The following METTL15 variants were observed in gnomAD, a reference collection of about 807,000 sequenced individuals.
METTL15 encodes the protein 12S rRNA N(4)-cytidine methyltransferase METTL15.
In METTL15, 34 loss-of-function variants were observed where a neutral mutation model predicts 38.3. The ratio of observed to expected loss-of-function variants is 0.89; its 90% CI spans 0.68 to 1.18. The LOEUF is 1.18. Ranked by LOEUF, METTL15 falls within the 50% of genes most tolerant of loss-of-function variation. The pLI, the probability that METTL15 is intolerant of heterozygous loss-of-function variation, is 0.00. For missense variants in METTL15, 438 were observed against 498.4 expected (o/e 0.88, Z 1.15); for synonymous variants, 162 against 170.9 (o/e 0.95, Z 0.41).
At chr11:28,453,473 TA>T (rs1176643840) in intron 6 of METTL15, among the ~76,000 whole-genome samples, 4 of 152,218 alleles carry the variant, frequency 2.6e-5, no homozygotes, top group Non-Finnish European at 5.9e-5. Context: ...AGTTAGATGA[TA>T]ATGTGTTAAA....
intron 6 of METTL15, among the ~76,000 whole-genome samples, chr11:28,484,290 T>C (rs1851420082): frequency 6.6e-6 from 1 of 152,174 alleles, no homozygotes; most frequent in African/African-American, 2.4e-5. Context: ...TTGCCCAAGA[T>C]AACATAGCTC....
chr11:28,267,694 AC>A (rs1855481347), intron 4 of METTL15, among the ~76,000 whole-genome samples: 1 of 152,148 alleles, frequency 6.6e-6, no homozygotes, highest in Non-Finnish European at 1.5e-5. Context: ...CTCTACGTAT[AC>A]CAATGAAACA....
At chr11:28,144,179 G>A (rs917566940) in intron 3 of METTL15, among the ~76,000 whole-genome samples, 4 of 152,052 alleles carry the variant, frequency 2.6e-5, no homozygotes, top group Non-Finnish European at 5.9e-5. Context: ...AGGTATTCTC[G>A]TTTGGCTCAT....
At chr11:28,517,280 C>G (rs1003687029) in intron 6 of METTL15, 9 of 151,998 alleles carry the variant, frequency 5.9e-5, no homozygotes, top group Middle Eastern at 3.4e-3. Flanking sequence ...GGAATCACTC[C>G]AAGGGTATTT....
chr11:28,118,646 C>T (rs1269780534), intron 3 of METTL15, among the ~76,000 whole-genome samples: 1 of 152,112 alleles, frequency 6.6e-6, no homozygotes, highest in Non-Finnish European at 1.5e-5. Context: ...GTATAGGAAA[C>T]CTGATACTCT....
At chr11:28,377,566 T>G (rs1367863379) in intron 5 of METTL15, among the ~76,000 whole-genome samples, 1 of 151,474 alleles carries the variant, frequency 6.6e-6, no homozygotes, top group Non-Finnish European at 1.5e-5. Flanking sequence ...TCTTCTAAAT[T>G]TTTTTCAAAG....
At chr11:28,497,763 T>A (rs1402118115) in intron 6 of METTL15, among the ~76,000 whole-genome samples, 4 of 151,998 alleles carry the variant, frequency 2.6e-5, no homozygotes, top group Non-Finnish European at 5.9e-5. Context: ...AAACCTCTCT[T>A]ATAGGGGTAT....
At chr11:28,346,143 A>G (rs1452491135) in intron 3 of METTL15, among the ~76,000 whole-genome samples, 1 of 152,206 alleles carries the variant, frequency 6.6e-6, no homozygotes, top group Non-Finnish European at 1.5e-5. Flanking sequence ...CTTGCCACTG[A>G]ATGAAAATAT....
intron 3 of METTL15, among the ~76,000 whole-genome samples, chr11:28,195,662 C>T (rs1210597093): frequency 6.6e-6 from 1 of 151,988 alleles, no homozygotes; most frequent in Non-Finnish European, 1.5e-5. Context: ...TCTAGGTTGT[C>T]TGTTTACTCT....
intron 4 of METTL15, among the ~76,000 whole-genome samples, chr11:28,222,015 G>C (rs992099929): frequency 6.6e-6 from 1 of 152,204 alleles, no homozygotes; most frequent in Non-Finnish European, 1.5e-5. Flanking sequence ...CCCACTTGAG[G>C]AGGCAGTCTG....
At chr11:28,313,580 AC>A (rs1857379968) in intron 6 of METTL15, among the ~76,000 whole-genome samples, 2 of 152,078 alleles carry the variant, frequency 1.3e-5, no homozygotes, top group Non-Finnish European at 2.9e-5. Flanking sequence ...ATACCATTGT[AC>A]AACTATAACA....
Position 28,288,081 on chromosome 11 carries a change from C to A in METTL15, c.408-2125C>A, listed in dbSNP as rs565885926. ...ATGAAAAAAGCTCAACATCACTGAT[C>A]ATTAGAGAAATGCAAATCAGAACCA... On this transcript the variant is annotated intron_variant, in intron 4 of 6. Coordinates refer to ENST00000407364, the MANE Select transcript of METTL15 (RefSeq NM_001113528.2). Among the ~76,000 whole-genome samples, 4 of 152,224 alleles carry A rather than the reference C, an allele frequency of 2.6e-5. No individual in the cohort carries two copies. In the East Asian group the frequency reaches 7.7e-4, roughly 29 times the overall value.
Position 28,204,223 on chromosome 11 carries a change from C to G in METTL15, c.271-6839C>G, listed in dbSNP as rs544571389. Among the ~76,000 whole-genome samples, 26 of 152,004 alleles carry G rather than the reference C, an allele frequency of 1.7e-4. No individual in the cohort carries two copies. The South Asian group carries it at 5.4e-3, about 32-fold the overall frequency. ...CCTCAAATGCTGGTTTGTATATTTT[C>G]TACTTTAATTCACTTTCATTTTGAT... is the stretch of plus-strand genomic sequence containing the variant. On this transcript the variant is annotated intron_variant, in intron 3 of 6. Coordinates refer to ENST00000407364, the MANE Select transcript of METTL15 (RefSeq NM_001113528.2).
chr11:28,259,988 A>T (rs1052631728), intron 4 of METTL15, among the ~76,000 whole-genome samples: 2 of 152,106 alleles, frequency 1.3e-5, no homozygotes, highest in Non-Finnish European at 2.9e-5. Flanking sequence ...TATACTCCTT[A>T]TACAGCCACT....
At position 28,436,368 on chromosome 11, in the gene METTL15, G is replaced by T. The variant is rs189528848; in HGVS notation, c.*424+12004G>T. Among the ~76,000 whole-genome samples, 10 of 152,214 alleles carry T rather than the reference G, an allele frequency of 6.6e-5. No individual in the cohort carries two copies. In the East Asian group the frequency reaches 1.9e-3, roughly 29 times the overall value. ...TTATAAACCACTCCAAAACTTAGTG[G>T]CTTAAAATAACAACTGTATATTATT... On this transcript the variant is annotated intron_variant and NMD_transcript_variant, in intron 6 of 7. Coordinates refer to the METTL15 transcript ENST00000532947.
At chr11:28,186,000 T>C (rs1851480310) in intron 3 of METTL15, among the ~76,000 whole-genome samples, 1 of 150,992 alleles carries the variant, frequency 6.6e-6, no homozygotes, top group Non-Finnish European at 1.5e-5. Flanking sequence ...TGTTTAGCAA[T>C]GTTAAGTTTT....
intron 6 of METTL15, among the ~76,000 whole-genome samples, chr11:28,459,026 G>C (rs1851193487): frequency 6.6e-6 from 1 of 152,036 alleles, no homozygotes; most frequent in Non-Finnish European, 1.5e-5. Flanking sequence ...TTCATTCTCA[G>C]TCTGTCATTT....
intron 3 of METTL15, among the ~76,000 whole-genome samples, chr11:28,174,791 G>A (rs535004098): frequency 4.9e-4 from 72 of 148,086 alleles, no homozygotes; most frequent in African/African-American, 1.8e-3. Flanking sequence ...CTCCAGCCTG[G>A]GTGACAGAGC....
intron 3 of METTL15, among the ~76,000 whole-genome samples, chr11:28,174,822 A>T (rs1481437911): frequency 4.1e-5 from 6 of 144,582 alleles, no homozygotes; most frequent in Middle Eastern, 3.5e-3. Context: ...CTCAAAAAAA[A>T]AAAAAAAACA....
Sources: allele counts gnomAD v4.1 joint callset (sites outside exome capture counted in the v4.1 genomes callset), GRCh38; gene constraint gnomAD v4.1.1; transcripts MANE v1.5; gene names NCBI Gene and HGNC (gene_info 2026-07-23, HGNC 2026-07-21).